Variants in RBFOX1 observed in about 807,000 individuals in gnomAD.
RBFOX1 encodes RNA binding protein fox-1 homolog 1.
RBFOX1 carries 8 observed loss-of-function variants against 57.7 expected under a neutral mutation model. The ratio of observed to expected loss-of-function variants is 0.14; its 90% CI spans 0.08 to 0.25. RBFOX1 has a LOEUF of 0.25. RBFOX1 is among the 10% of genes least tolerant of loss of function. The pLI, the probability that RBFOX1 is intolerant of heterozygous loss-of-function variation, is 1.00. For missense variants in RBFOX1, 611 were observed against 548.5 expected (o/e 1.11, Z -1.14); for synonymous variants, 326 against 222.4 (o/e 1.47, Z -4.15).
rs181849381 is a variant in RBFOX1, at chr16:6,341,910, C to G, written c.-64+24853C>G. 1.8e-4 allele frequency among the ~76,000 whole-genome samples: 27 copies of G among 152,340 alleles called. 1 individual carries two copies. Among genetic ancestry groups the G allele is most frequent in the Middle Eastern group, 3.4e-3 (1 of 294 alleles). ...GATTCTCGTGATTCCACTGAACCCA[C>G]CTGGATCATTCAGAATAATTTCTTG... is the stretch of plus-strand genomic sequence containing the variant. On this transcript the variant is annotated intron_variant, in intron 2 of 15. Coordinates refer to ENST00000550418, the MANE Select transcript of RBFOX1 (RefSeq NM_018723.4).
intron 4 of RBFOX1, among the ~76,000 whole-genome samples, chr16:7,054,509 G>C (rs1274987189): frequency 7.3e-6 from 1 of 136,676 alleles, no homozygotes; most frequent in Non-Finnish European, 1.5e-5. Context: ...CCAAGGTGAT[G>C]GGATTACAGG....
At position 6,895,848 on chromosome 16, in the gene RBFOX1, A is replaced by G. The variant is rs577570030; in HGVS notation, c.-15-156209A>G. ...TAAACCTCTTGGGATCAGTGTTACCATGTGTAAAATGAAGATCATCATAGT... is the reference window on the plus strand; with the variant it reads ...TAAACCTCTTGGGATCAGTGTTACCGTGTGTAAAATGAAGATCATCATAGT... On this transcript the variant is annotated intron_variant, in intron 3 of 15. Coordinates refer to ENST00000550418, the MANE Select transcript of RBFOX1 (RefSeq NM_018723.4). 2.0e-4 allele frequency among the ~76,000 whole-genome samples: 31 copies of G among 152,196 alleles called. No individual in the cohort carries two copies. The East Asian group carries it at 4.3e-3, about 21-fold the overall frequency.
intron 4 of RBFOX1, chr16:7,332,734 C>G (rs1207548372): frequency 1.5e-6 from 2 of 1,317,250 alleles, no homozygotes; most frequent in Non-Finnish European, 2.0e-6. Flanking sequence ...GTTAGGCAAG[C>G]TGTTCCCAAA....
chr16:5,693,218 C>T (rs1031483504), intron 3 of RBFOX1, among the ~76,000 whole-genome samples: 18 of 152,092 alleles, frequency 1.2e-4, no homozygotes, highest in Non-Finnish European at 5.9e-5. Context: ...GGCCCTTTAA[C>T]CCTCTCCTGA....
chr16:7,088,729 C>A (rs1006794464), intron 4 of RBFOX1, among the ~76,000 whole-genome samples: 5 of 152,086 alleles, frequency 3.3e-5, no homozygotes, highest in African/African-American at 9.7e-5. Flanking sequence ...CAATAAAGAG[C>A]ATGTGTGAAT....
intron 1 of RBFOX1, among the ~76,000 whole-genome samples, chr16:5,423,803 C>A (rs185503750): frequency 2.0e-5 from 3 of 152,250 alleles, no homozygotes; most frequent in East Asian, 1.9e-4. Flanking sequence ...TGCATCCAAC[C>A]TGATTTTGGC....
chr16:5,461,474 C>T (rs895261893), intron 1 of RBFOX1, among the ~76,000 whole-genome samples: 15 of 152,136 alleles, frequency 9.9e-5, no homozygotes, highest in South Asian at 4.1e-4. Context: ...AGAACTAAAA[C>T]TTTGGGCCCT....
At chr16:6,255,376 T>A (rs1018568224) in intron 1 of RBFOX1, among the ~76,000 whole-genome samples, 1 of 152,084 alleles carries the variant, frequency 6.6e-6, no homozygotes, top group South Asian at 2.1e-4. Flanking sequence ...AAAGGATGGC[T>A]GGTATTTTGC....
chr16:7,139,280 C>G (rs1454969457), intron 4 of RBFOX1, among the ~76,000 whole-genome samples: 1 of 151,898 alleles, frequency 6.6e-6, no homozygotes, highest in Non-Finnish European at 1.5e-5. Context: ...TACTCTGTCA[C>G]TCCCCATGCA....
At chr16:7,391,098 C>G (rs1370997111) in intron 4 of RBFOX1, among the ~76,000 whole-genome samples, 4 of 152,250 alleles carry the variant, frequency 2.6e-5, no homozygotes, top group Non-Finnish European at 5.9e-5. Flanking sequence ...TTATCCTTAA[C>G]TGACCTTTTG....
chr16:5,245,895 A>T (rs149245328), intron 1 of RBFOX1, among the ~76,000 whole-genome samples: 53 of 152,302 alleles, frequency 3.5e-4, no homozygotes, highest in Admixed American at 2.2e-3. Flanking sequence ...ATATTAGAGA[A>T]ATTACCACTT....
At chr16:7,511,543 G>A (rs1006250564) in intron 4 of RBFOX1, among the ~76,000 whole-genome samples, 3 of 152,146 alleles carry the variant, frequency 2.0e-5, no homozygotes, top group Admixed American at 6.5e-5. Context: ...CTAATAGTCA[G>A]ATTACAGTGT....
intron 2 of RBFOX1, among the ~76,000 whole-genome samples, chr16:6,355,587 A>G (rs938643033): frequency 1.3e-5 from 2 of 152,222 alleles, no homozygotes; most frequent in South Asian, 2.1e-4. Flanking sequence ...TAGTGACACA[A>G]TAAACATACA....
At chr16:6,091,341 AC>A in intron 1 of RBFOX1, among the ~76,000 whole-genome samples, 1 of 152,098 alleles carries the variant, frequency 6.6e-6, no homozygotes, top group East Asian at 1.9e-4. Flanking sequence ...GATTTGTCTG[AC>A]CCCCTTCCCT....
chr16:7,454,602 A>C (rs1301922152), intron 4 of RBFOX1, among the ~76,000 whole-genome samples: 1 of 152,210 alleles, frequency 6.6e-6, no homozygotes, highest in Non-Finnish European at 1.5e-5. Flanking sequence ...GGAAAACTAC[A>C]CAAAGATGTG....
intron 2 of RBFOX1, among the ~76,000 whole-genome samples, chr16:6,520,945 G>T (rs543282676): frequency 6.6e-5 from 10 of 151,336 alleles, no homozygotes; most frequent in African/African-American, 2.4e-4. Context: ...AGTGTAGGGG[G>T]GGAAAAAAAT....
chr16:6,247,829 G>A (rs1318429724), intron 1 of RBFOX1, among the ~76,000 whole-genome samples: 7 of 152,182 alleles, frequency 4.6e-5, no homozygotes, highest in Non-Finnish European at 1.0e-4. Context: ...TTCTTTCCTA[G>A]CTCTGCCTTA....
intron 4 of RBFOX1, among the ~76,000 whole-genome samples, chr16:7,248,939 C>A (rs953333125): frequency 6.6e-6 from 1 of 152,164 alleles, no homozygotes; most frequent in Admixed American, 6.5e-5. Flanking sequence ...GCGGGTAGCA[C>A]CATCTTGTTC....
chr16:7,103,477 G>A (rs1432620751), intron 4 of RBFOX1, among the ~76,000 whole-genome samples: 1 of 152,126 alleles, frequency 6.6e-6, no homozygotes, highest in Non-Finnish European at 1.5e-5. Context: ...TACAGTATAT[G>A]AATTGGTATG....
Sources: allele counts gnomAD v4.1 joint callset (sites outside exome capture counted in the v4.1 genomes callset), GRCh38; gene constraint gnomAD v4.1.1; transcripts MANE v1.5; gene names NCBI Gene and HGNC (gene_info 2026-07-23, HGNC 2026-07-21).